Variants in DPP9 observed in about 807,000 individuals in gnomAD.
DPP9 encodes dipeptidyl peptidase IV-related protein-2.
Under a neutral mutation model 110.7 loss-of-function variants are expected in DPP9, and 50 were observed. The observed-to-expected ratio is 0.45, with a 90% CI of 0.36 to 0.57. The LOEUF is 0.57. Ranked by LOEUF, DPP9 falls within the 20% of genes least tolerant of loss-of-function variation. The pLI, the probability that DPP9 is intolerant of heterozygous loss-of-function variation, is 0.00. For synonymous variants in DPP9, 561 were observed against 514.4 expected, an observed-to-expected ratio of 1.09 and a Z score of -1.23; for missense variants, 1,022 against 1,217.9, an observed-to-expected ratio of 0.84 and a Z score of 2.39.
At chr19:4,722,795 C>T (rs2093378909) in intron 1 of DPP9, 1 of 494,806 alleles carries the variant, frequency 2.0e-6, no homozygotes, top group Non-Finnish European at 3.6e-6. Flanking sequence ...TGCCTACGGT[C>T]CACACCCCCT....
In DPP9 at chr19:4,718,655, A is replaced by G. The variant is rs2093182098; in HGVS notation, c.56+1196T>C. Among the ~76,000 whole-genome samples the G allele has an allele frequency of 6.6e-6, 1 of 152,204 alleles. No homozygotes were observed. The highest frequency in any genetic ancestry group is 6.5e-5 in the Admixed American group (1 of 15,278). ...CCAGCAGCCTGTGCCCAGGTGGGAC[A>G]TTAAGTGTGTGCAGATAAGGGAAGG... On this transcript the variant is annotated intron_variant, in intron 3 of 21. Transcript: ENST00000262960. The surrounding 1 kb of genome is among the most constrained non-coding windows in gnomAD (Gnocchi z 4.3).
chr19:4,705,928 T>C lies in DPP9; in HGVS notation c.356A>G (p.Glu119Gly), dbSNP rs1277695474. ...GSRENSLLYS[E>G]IPKKVRKEAL... ...CTCTTTCCGGACCTTCTTGGGAATC[T>C]CAGAGTAGAGGAGGGAGTTCTCTCG... The change falls in exon 5 of 22, where the codon GAG becomes GGG. Residue 119 changes from glutamate to glycine, a missense_variant. By Grantham distance (98) the Glu-to-Gly change is moderately conservative. This residue lies in a region of DPP9 where 810 missense variants were observed against 920.6 expected (regional missense o/e 0.88). Transcript: ENST00000262960. 6.2e-7 allele frequency: 1 copy of C among 1,613,726 alleles called. No individual in the cohort carries two copies. The highest frequency in any genetic ancestry group is 1.3e-5 in the African/African-American group (1 of 74,908).
chr19:4,682,009 C>T lies in DPP9; in HGVS notation c.2474+687G>A, dbSNP rs1204578465. Among the ~76,000 whole-genome samples the T allele has an allele frequency of 6.6e-6, 1 of 151,834 alleles. No individual in the cohort carries two copies. Among genetic ancestry groups the T allele is most frequent in the African/African-American group, 2.4e-5 (1 of 41,308 alleles). ...GACTACAGGCACCCGCCACCACACC[C>T]GGCTAATTTTTTGTATTTTTAGTAG... is the stretch of plus-strand genomic sequence containing the variant. On this transcript the variant is annotated intron_variant, in intron 20 of 21. Transcript: ENST00000262960. This position sits in a 1 kb window ranked among gnomAD's most constrained non-coding sequence, Gnocchi z 7.1.
chr19:4,677,702 G>A (rs929239024), intron 21 of DPP9, among the ~76,000 whole-genome samples: 8 of 152,218 alleles, frequency 5.3e-5, no homozygotes, highest in Admixed American at 4.6e-4. Flanking sequence ...CCCGGGCAGT[G>A]GCACTCCCTG....
rs2092977195 is a variant in DPP9, at chr19:4,714,356, G to A, written c.57-19C>T. ...CGAGAAGCTGCGGGGAGGAAGCAAA[G>A]ACTATGAGAAAGGAGAACTGTTTTA... On this transcript the variant is annotated intron_variant, in intron 3 of 21. Transcript: ENST00000262960. 1.4e-6 allele frequency: 2 copies of A among 1,473,964 alleles called. No individual in the cohort carries two copies. The highest frequency in any genetic ancestry group is 2.5e-5 in the East Asian group (1 of 40,214). The allele number at this position is 1,473,964 out of a possible 1,614,324, so 91.3% of individuals were successfully genotyped here.
chr19:4,688,554 T>C, intron 16 of DPP9: 1 of 640,820 alleles, frequency 1.6e-6, no homozygotes, highest in Non-Finnish European at 2.3e-6. Flanking sequence ...TTACTGCAGC[T>C]CGAACCCAGG....
chr19:4,679,795 T>G, intron 21 of DPP9, 40 bp downstream of exon 21: 1 of 1,459,548 alleles, frequency 6.9e-7, no homozygotes, highest in Non-Finnish European at 9.4e-7. Flanking sequence ...CAGGGATCTG[T>G]CGGCTCGCGG....
In DPP9 at chr19:4,676,793, C is replaced by A; in HGVS notation, c.2587-137G>T. 1.4e-6 allele frequency: 1 copy of A among 693,124 alleles called. No homozygotes were observed. The highest frequency in any genetic ancestry group is 2.7e-5 in the East Asian group (1 of 36,800). The allele number at this position is 693,124 out of a possible 1,614,324, so 42.9% of individuals were successfully genotyped here. ...CCCAGTGATCTGGGTTTGAATCCCA[C>A]CTCGGCTGTTGACTTGCAGTGTAAC... On this transcript the variant is annotated intron_variant, in intron 21 of 21. Coordinates refer to ENST00000262960, the MANE Select transcript of DPP9 (RefSeq NM_139159.5). This position sits in a 1 kb window ranked among gnomAD's most constrained non-coding sequence, Gnocchi z 4.0.
intron 14 of DPP9, 91 bp downstream of exon 14, chr19:4,690,787 G>T: frequency 1.0e-6 from 1 of 956,982 alleles, no homozygotes; most frequent in Non-Finnish European, 1.6e-6. Context: ...GTGAGTGTAT[G>T]TGTGTGTATG....
intron 4 of DPP9, among the ~76,000 whole-genome samples, chr19:4,713,405 C>G (rs1256461174): frequency 6.6e-6 from 1 of 152,220 alleles, no homozygotes; most frequent in African/African-American, 2.4e-5. Context: ...TAACCCGTGC[C>G]CTGAAGGCAC....
chr19:4,704,876 G>A lies in DPP9; in HGVS notation c.427-572C>T, dbSNP rs1341299312. ...TAGCCGGGTGTGGTGGCACGCGCCT[G>A]TAGTCCCAGCTACTTGGGACGCTGA... is the stretch of plus-strand genomic sequence containing the variant. On this transcript the variant is annotated intron_variant, in intron 5 of 21. Coordinates refer to ENST00000262960, the MANE Select transcript of DPP9 (RefSeq NM_139159.5). The surrounding 1 kb of genome is among the most constrained non-coding windows in gnomAD (Gnocchi z 6.0). Among the ~76,000 whole-genome samples the A allele has an allele frequency of 2.6e-5, 4 of 152,296 alleles. No homozygotes were observed. The highest frequency in any genetic ancestry group is 9.6e-5 in the African/African-American group (4 of 41,566).
intron 11 of DPP9, among the ~76,000 whole-genome samples, chr19:4,697,042 T>C: frequency 6.6e-6 from 1 of 151,056 alleles, no homozygotes; most frequent in East Asian, 1.9e-4. Context: ...GGGGCTGCAG[T>C]GAGTTATGAT....
At position 4,689,470 on chromosome 19, in the gene DPP9, T is replaced by C; in HGVS notation, c.1749+100A>G. The C allele has an allele frequency of 6.4e-6, 9 of 1,399,422 alleles. No individual in the cohort carries two copies. The highest frequency in any genetic ancestry group is 1.5e-5 in the African/African-American group (1 of 68,144). 86.7% of individuals were successfully genotyped at this position (1,399,422 alleles called of 1,614,324 possible). On this transcript the variant is annotated intron_variant, in intron 15 of 21. Transcript: ENST00000262960. This position sits in a 1 kb window ranked among gnomAD's most constrained non-coding sequence, Gnocchi z 7.0. ...AGGCAGCTATGAGAATGCGAGACCA[T>C]GAGAATGACCCTGAGTGCTGTGCCG...
At chr19:4,679,736 C>G in intron 21 of DPP9, 99 bp downstream of exon 21, 1 of 885,670 alleles carries the variant, frequency 1.1e-6, no homozygotes, top group Non-Finnish European at 1.8e-6. Context: ...CCCCAGGGAG[C>G]CCCTGGTCAC....
intron 18 of DPP9, chr19:4,683,865 C>A: frequency 6.7e-7 from 1 of 1,499,686 alleles, no homozygotes; most frequent in Non-Finnish European, 8.9e-7. Flanking sequence ...GAGCCACGTC[C>A]CCTCTGAGGG....
chr19:4,677,720 C>T (rs1046296868), intron 21 of DPP9, among the ~76,000 whole-genome samples: 1 of 152,214 alleles, frequency 6.6e-6, no homozygotes, highest in African/African-American at 2.4e-5. Flanking sequence ...CTGGGGCAGA[C>T]TCTGCTGCCC....
chr19:4,714,563 T>C (rs2092987002), intron 3 of DPP9, among the ~76,000 whole-genome samples: 2 of 151,952 alleles, frequency 1.3e-5, no homozygotes, highest in African/African-American at 4.8e-5. Flanking sequence ...TTAAAAACAT[T>C]CTTCTTTTTG....
At chr19:4,697,482 G>A in intron 11 of DPP9, 69 bp downstream of exon 11, 2 of 1,368,640 alleles carry the variant, frequency 1.5e-6, no homozygotes, top group Non-Finnish European at 2.0e-6. Flanking sequence ...CCAGGAGGCA[G>A]CTTCGGTGGC....
At chr19:4,690,623 C>T (rs11672572) in intron 14 of DPP9, among the ~76,000 whole-genome samples, 20,110 of 152,202 alleles carry the variant, frequency 0.13, 1,731 homozygotes, top group Middle Eastern at 0.22. Context: ...GGATAAAGCA[C>T]GTGAATGGCA....
Sources: allele counts gnomAD v4.1 joint callset (sites outside exome capture counted in the v4.1 genomes callset), GRCh38; gene constraint gnomAD v4.1.1; regional missense constraint gnomAD v4.1.1; non-coding constraint Gnocchi (gnomAD v3.1); transcripts MANE v1.5; gene names NCBI Gene and HGNC (gene_info 2026-07-23, HGNC 2026-07-21).